AUTS2: variants seen among roughly 807,000 people sequenced by gnomAD.
The protein encoded by AUTS2 is activator of transcription and developmental regulator AUTS2.
Under a neutral mutation model 112.4 loss-of-function variants are expected in AUTS2, and 17 were observed. That is an observed-to-expected ratio of 0.15 (90% CI 0.10 to 0.23). AUTS2 has a LOEUF of 0.23. Ranked by LOEUF, AUTS2 falls within the 10% of genes least tolerant of loss-of-function variation. AUTS2 has a pLI of 1.00. For synonymous variants in AUTS2, 751 were observed against 702.7 expected, an observed-to-expected ratio of 1.07 and a Z score of -1.09; for missense variants, 1,510 against 1,701.6, an observed-to-expected ratio of 0.89 and a Z score of 1.98.
At chr7:69,950,631 A>G (rs1796989055) in intron 2 of AUTS2, among the ~76,000 whole-genome samples, 1 of 152,100 alleles carries the variant, frequency 6.6e-6, no homozygotes, top group Admixed American at 6.6e-5. Context: ...TATTCACAGT[A>G]GCTTTTCTGA....
intron 1 of AUTS2, among the ~76,000 whole-genome samples, chr7:69,828,576 G>T (rs1174693671): frequency 6.6e-6 from 1 of 152,142 alleles, no homozygotes; most frequent in East Asian, 1.9e-4. Context: ...GTTTCCTTCA[G>T]TCTAGTGTAT....
At chr7:70,538,885 A>G (rs1011055305) in intron 5 of AUTS2, among the ~76,000 whole-genome samples, 1 of 152,196 alleles carries the variant, frequency 6.6e-6, no homozygotes, top group Non-Finnish European at 1.5e-5. Context: ...TTGAACACCT[A>G]TTGTGTGCCA....
intron 5 of AUTS2, among the ~76,000 whole-genome samples, chr7:70,521,343 G>T (rs546110977): frequency 2.5e-4 from 38 of 152,286 alleles, no homozygotes; most frequent in African/African-American, 8.2e-4. Flanking sequence ...GTTGCATCTT[G>T]CCATGTGATG....
chr7:70,121,188 AAAAT>A (rs1421035700), intron 3 of AUTS2, among the ~76,000 whole-genome samples: 2 of 152,216 alleles, frequency 1.3e-5, no homozygotes, highest in African/African-American at 4.8e-5. Flanking sequence ...ACTATGTACA[AAAAT>A]AAACTCAAAA....
chr7:70,333,155 G>A (rs1485138365), intron 4 of AUTS2, among the ~76,000 whole-genome samples: 1 of 152,156 alleles, frequency 6.6e-6, no homozygotes, highest in Non-Finnish European at 1.5e-5. Context: ...CGAAGGATCT[G>A]AACAGACACT....
intron 5 of AUTS2, among the ~76,000 whole-genome samples, chr7:70,659,804 T>C (rs112616620): frequency 3.9e-5 from 6 of 152,208 alleles, no homozygotes; most frequent in African/African-American, 1.4e-4. Context: ...AGGGAAAATA[T>C]GGCCAAGGGG....
intron 4 of AUTS2, among the ~76,000 whole-genome samples, chr7:70,243,030 T>C (rs1228769213): frequency 1.3e-5 from 2 of 152,176 alleles, no homozygotes; most frequent in Admixed American, 6.6e-5. Flanking sequence ...GCATCCTTTA[T>C]TTCTTGCACA....
intron 2 of AUTS2, among the ~76,000 whole-genome samples, chr7:70,075,356 T>G (rs574516024): frequency 1.3e-5 from 2 of 152,264 alleles, no homozygotes; most frequent in East Asian, 3.9e-4. Flanking sequence ...AGAGTTGGCC[T>G]CTGTACCCCT....
At chr7:69,646,528 C>T (rs571715751) in intron 1 of AUTS2, among the ~76,000 whole-genome samples, 2 of 152,178 alleles carry the variant, frequency 1.3e-5, no homozygotes, top group East Asian at 3.8e-4. Flanking sequence ...ACTACTTTCT[C>T]CAAATATTAG....
At chr7:70,738,121 T>C (rs899303521) in intron 6 of AUTS2, among the ~76,000 whole-genome samples, 1 of 152,204 alleles carries the variant, frequency 6.6e-6, no homozygotes, top group African/African-American at 2.4e-5. Flanking sequence ...GCTTTGATAC[T>C]TCATGGGCCC....
chr7:70,181,493 C>CCTT (rs1809299377), intron 4 of AUTS2, among the ~76,000 whole-genome samples: 1 of 140,970 alleles, frequency 7.1e-6, no homozygotes, highest in Non-Finnish European at 1.6e-5. Flanking sequence ...TTTTTTTTTT[C>CCTT]TTTTTTTTTT....
At chr7:70,640,117 C>A (rs1270963870) in intron 5 of AUTS2, among the ~76,000 whole-genome samples, 1 of 151,696 alleles carries the variant, frequency 6.6e-6, no homozygotes, top group Non-Finnish European at 1.5e-5. Flanking sequence ...CTATGGGATG[C>A]ATTTTGGTGG....
At chr7:70,117,117 GTTTTTTT>G (rs60488343) in intron 2 of AUTS2, among the ~76,000 whole-genome samples, 1 of 73,102 alleles carries the variant, frequency 1.4e-5, no homozygotes, top group African/African-American at 5.8e-5. Context: ...TTTTTTTTTT[GTTTTTTT>G]TTGTTTTTTT....
At chr7:70,132,498 A>T (rs1215134916) in intron 3 of AUTS2, among the ~76,000 whole-genome samples, 2 of 152,226 alleles carry the variant, frequency 1.3e-5, no homozygotes, top group Non-Finnish European at 2.9e-5. Flanking sequence ...AAGTGAAATG[A>T]TTCTGCGTGT....
intron 1 of AUTS2, among the ~76,000 whole-genome samples, chr7:69,765,662 G>A (rs988356562): frequency 3.9e-5 from 6 of 152,038 alleles, no homozygotes; most frequent in African/African-American, 7.2e-5. Context: ...GGTATAGTCC[G>A]GGCACGGTGG....
At chr7:70,759,915 G>T (rs114678201) in intron 6 of AUTS2, among the ~76,000 whole-genome samples, 2,786 of 152,214 alleles carry the variant, frequency 0.018, 95 homozygotes, top group African/African-American at 0.062. Flanking sequence ...AGCTGATTTT[G>T]GGAGGGAATT....
At chr7:70,414,311 G>A (rs1489381988) in intron 4 of AUTS2, among the ~76,000 whole-genome samples, 1 of 152,174 alleles carries the variant, frequency 6.6e-6, no homozygotes, top group Non-Finnish European at 1.5e-5. Context: ...ACTGAATGAG[G>A]AGAGACATTT....
At chr7:70,659,020 C>G (rs1275152290) in intron 5 of AUTS2, among the ~76,000 whole-genome samples, 2 of 152,202 alleles carry the variant, frequency 1.3e-5, no homozygotes, top group Non-Finnish European at 2.9e-5. Context: ...ATACCAGCTT[C>G]TTTGTGAATC....
At chr7:70,553,291 A>G (rs539327439) in intron 5 of AUTS2, among the ~76,000 whole-genome samples, 2 of 152,250 alleles carry the variant, frequency 1.3e-5, no homozygotes, top group Non-Finnish European at 2.9e-5. Flanking sequence ...CCTAATTCTC[A>G]TTTTATTGCA....
Sources: allele counts gnomAD v4.1 joint callset (sites outside exome capture counted in the v4.1 genomes callset), GRCh38; gene constraint gnomAD v4.1.1; transcripts MANE v1.5; gene names NCBI Gene and HGNC (gene_info 2026-07-23, HGNC 2026-07-21).